NPAS3: variants seen among roughly 807,000 people sequenced by gnomAD.
NPAS3 encodes the protein neuronal PAS domain-containing protein 3.
NPAS3 carries 14 observed loss-of-function variants against 73.1 expected under a neutral mutation model. The observed-to-expected ratio is 0.19, with a 90% CI of 0.13 to 0.30. The LOEUF (loss-of-function observed/expected upper bound fraction) is 0.30. Among genes scored for constraint, NPAS3 ranks in the 10% least tolerant of loss-of-function variants. The pLI, the probability that NPAS3 is intolerant of heterozygous loss-of-function variation, is 1.00. For synonymous variants in NPAS3, 620 were observed against 541.5 expected, an observed-to-expected ratio of 1.14 and a Z score of -2.01; for missense variants, 1,096 against 1,250.0, an observed-to-expected ratio of 0.88 and a Z score of 1.86.
intron 5 of NPAS3, among the ~76,000 whole-genome samples, chr14:33,597,058 G>A (rs563295888): frequency 2.6e-5 from 4 of 152,326 alleles, no homozygotes; most frequent in Middle Eastern, 3.4e-3. Flanking sequence ...ATCAAAGGCG[G>A]TCTTGTAAAT....
intron 2 of NPAS3, among the ~76,000 whole-genome samples, chr14:33,138,038 A>G (rs1272898609): frequency 1.4e-5 from 2 of 143,962 alleles, no homozygotes; most frequent in Admixed American, 1.4e-4. Flanking sequence ...GGAGAATTGG[A>G]CATAATCTAT....
intron 4 of NPAS3, among the ~76,000 whole-genome samples, chr14:33,406,671 A>G (rs2047681958): frequency 6.6e-6 from 1 of 152,146 alleles, no homozygotes; most frequent in Admixed American, 6.6e-5. Context: ...ATTTTAAAAT[A>G]TGAAATCAAA....
intron 6 of NPAS3, among the ~76,000 whole-genome samples, chr14:33,718,029 A>C (rs930652536): frequency 6.6e-6 from 1 of 151,696 alleles, no homozygotes; most frequent in Non-Finnish European, 1.5e-5. Context: ...TACCCAATAC[A>C]TGTTGATTCA....
chr14:33,157,626 C>A (rs2139286198), intron 2 of NPAS3, among the ~76,000 whole-genome samples: 1 of 152,284 alleles, frequency 6.6e-6, no homozygotes, highest in African/African-American at 2.4e-5. Context: ...TTGTAAAAAC[C>A]TGTGGTTCAG....
At chr14:33,222,627 G>A (rs1003942262) in intron 3 of NPAS3, among the ~76,000 whole-genome samples, 1 of 152,160 alleles carries the variant, frequency 6.6e-6, no homozygotes, top group African/African-American at 2.4e-5. Context: ...GAGACTATGA[G>A]CTTATTGAGG....
At chr14:33,170,930 T>A (rs780203624) in intron 2 of NPAS3, among the ~76,000 whole-genome samples, 1 of 152,258 alleles carries the variant, frequency 6.6e-6, no homozygotes, top group Non-Finnish European at 1.5e-5. Flanking sequence ...ATCAAACATG[T>A]TCTTAACAAC....
chr14:33,095,914 C>T (rs1020688937), intron 2 of NPAS3, among the ~76,000 whole-genome samples: 2 of 151,340 alleles, frequency 1.3e-5, no homozygotes, highest in Admixed American at 6.6e-5. Context: ...CCTCGTGATT[C>T]GCCCGATTCG....
chr14:33,637,319 A>G (rs2058548983), intron 5 of NPAS3, among the ~76,000 whole-genome samples: 1 of 152,214 alleles, frequency 6.6e-6, no homozygotes, highest in Non-Finnish European at 1.5e-5. Flanking sequence ...TAATTTCATA[A>G]TAAAGATGAC....
intron 3 of NPAS3, among the ~76,000 whole-genome samples, chr14:33,253,299 GA>G: frequency 6.6e-6 from 1 of 151,990 alleles, no homozygotes; most frequent in East Asian, 1.9e-4. Context: ...TCTTTTTTTA[GA>G]GACAAGGAAA....
intron 4 of NPAS3, among the ~76,000 whole-genome samples, chr14:33,390,614 A>T (rs75506039): frequency 6.6e-6 from 1 of 152,184 alleles, no homozygotes; most frequent in Admixed American, 6.5e-5. Context: ...TGTAGAGTGT[A>T]CTGCACCAAG....
intron 5 of NPAS3, among the ~76,000 whole-genome samples, chr14:33,581,844 G>A (rs1252239332): frequency 1.3e-5 from 2 of 152,188 alleles, no homozygotes; most frequent in East Asian, 3.8e-4. Flanking sequence ...AAAGTGCTAG[G>A]ATTATAGGAG....
chr14:33,706,878 A>G (rs974978267), intron 6 of NPAS3, among the ~76,000 whole-genome samples: 3 of 152,200 alleles, frequency 2.0e-5, no homozygotes, highest in South Asian at 2.1e-4. Flanking sequence ...CAAAGAAGGA[A>G]ACAAGAACTT....
intron 6 of NPAS3, among the ~76,000 whole-genome samples, chr14:33,716,180 A>G (rs532672229): frequency 3.3e-5 from 5 of 152,156 alleles, no homozygotes; most frequent in Non-Finnish European, 5.9e-5. Context: ...TATCCATACA[A>G]TTCACTTCTG....
chr14:33,421,922 C>G (rs1476464348), intron 4 of NPAS3, among the ~76,000 whole-genome samples: 1 of 151,856 alleles, frequency 6.6e-6, no homozygotes, highest in East Asian at 1.9e-4. Flanking sequence ...ACTTCTTTAA[C>G]TGGAGTAGTT....
At chr14:33,160,268 A>G (rs1450788784) in intron 2 of NPAS3, among the ~76,000 whole-genome samples, 4 of 152,084 alleles carry the variant, frequency 2.6e-5, no homozygotes, top group African/African-American at 9.7e-5. Context: ...TTTTAATTTC[A>G]TTGTCTTCAA....
At chr14:33,365,382 A>C (rs2045795996) in intron 3 of NPAS3, among the ~76,000 whole-genome samples, 1 of 152,272 alleles carries the variant, frequency 6.6e-6, no homozygotes, top group Non-Finnish European at 1.5e-5. Context: ...ATAGGAAATT[A>C]ATCAGAAATG....
chr14:33,644,442 G>T (rs564668251), intron 5 of NPAS3, among the ~76,000 whole-genome samples: 2 of 152,202 alleles, frequency 1.3e-5, no homozygotes, highest in Non-Finnish European at 2.9e-5. Flanking sequence ...CATTTGGCCA[G>T]CCATTGGGTA....
intron 2 of NPAS3, among the ~76,000 whole-genome samples, chr14:33,122,795 G>A (rs1439521134): frequency 1.3e-5 from 2 of 152,080 alleles, no homozygotes; most frequent in African/African-American, 4.8e-5. Flanking sequence ...GAGAAACAGA[G>A]ACTGAGGGAA....
chr14:33,512,867 T>A (rs1293280763), intron 4 of NPAS3, among the ~76,000 whole-genome samples: 1 of 152,104 alleles, frequency 6.6e-6, no homozygotes, highest in East Asian at 1.9e-4. Context: ...CTTCAGTGAC[T>A]TTTATATCAC....
Sources: allele counts gnomAD v4.1 joint callset (sites outside exome capture counted in the v4.1 genomes callset), GRCh38; gene constraint gnomAD v4.1.1; transcripts MANE v1.5; gene names NCBI Gene and HGNC (gene_info 2026-07-23, HGNC 2026-07-21).